LSS: variants seen among roughly 807,000 people sequenced by gnomAD.
The protein encoded by LSS is lanosterol synthase, also known as 2,3-epoxysqualene-lanosterol cyclase.
Under a neutral mutation model 110.3 loss-of-function variants are expected in LSS, and 90 were observed. That is an observed-to-expected ratio of 0.82 (90% confidence interval 0.69 to 0.97). The LOEUF (loss-of-function observed/expected upper bound fraction) is 0.97, where lower values mean the gene tolerates loss of function less well. LSS is among the 50% of genes least tolerant of loss of function. The pLI, the probability that LSS is intolerant of heterozygous loss-of-function variation, is 0.00. For synonymous variants in LSS, 433 were observed against 400.0 expected (o/e 1.08, Z -0.98); for missense variants, 927 against 990.0 (o/e 0.94, Z 0.85).
Position 46,207,585 on chromosome 21 carries a change from G to A in LSS, c.1318-8C>T, listed in dbSNP as rs1298875935. 3 of 1,600,540 alleles carry A rather than the reference G, an allele frequency of 1.9e-6. No individual in the cohort carries two copies. Among genetic ancestry groups the A allele is most frequent in the Admixed American group, 1.7e-5 (1 of 57,894 alleles). On this transcript the variant is annotated splice_polypyrimidine_tract_variant and splice_region_variant and intron_variant, in intron 14 of 21. Transcript: ENST00000397728. ...ACTGAAGGAGAAGCCACCCTGCAGA[G>A]CACAAGCCATGACTCCAGGCTGGGG...
rs757917814 is a variant in LSS, at chr21:46,228,421, G to T, written c.180+13C>A. ...GGTCCCGAGCTCGCTGACGCTCCGC[G>T]GAAGCAACTTACGGTGTCCAGCCCC... On this transcript the variant is annotated intron_variant, in intron 2 of 21. Coordinates refer to ENST00000397728, the MANE Select transcript of LSS (RefSeq NM_002340.6). The T allele has an allele frequency of 5.0e-6, 8 of 1,599,820 alleles. No individual in the cohort carries two copies. The highest frequency in any genetic ancestry group is 1.6e-4 in the Middle Eastern group (1 of 6,068).
At chr21:46,224,399 G>C (rs1366240548) in intron 3 of LSS, among the ~76,000 whole-genome samples, 6 of 152,026 alleles carry the variant, frequency 3.9e-5, no homozygotes, top group Admixed American at 6.5e-5. Context: ...GGGCCCAGCT[G>C]TCTTTTATCT....
At chr21:46,226,543 C>A (rs193240529) in intron 3 of LSS, among the ~76,000 whole-genome samples, 2 of 152,324 alleles carry the variant, frequency 1.3e-5, no homozygotes, top group East Asian at 3.9e-4. Context: ...GATGGGGATC[C>A]CAGTGCTCCT....
intron 3 of LSS, chr21:46,224,754 G>A (rs2080316830): frequency 6.6e-6 from 1 of 152,154 alleles, no homozygotes; most frequent in South Asian, 2.1e-4. Flanking sequence ...CACAGTCAAT[G>A]GGAGCTGTCT....
chr21:46,205,484 A>T (rs2080034624), intron 17 of LSS, among the ~76,000 whole-genome samples: 1 of 152,222 alleles, frequency 6.6e-6, no homozygotes, highest in African/African-American at 2.4e-5. Context: ...GTTTGCTTCA[A>T]GAAGACCAAC....
Position 46,228,567 on chromosome 21 carries a change from G to A in LSS, c.47C>T (p.Thr16Ile). 6.3e-7 allele frequency: 1 copy of A among 1,594,432 alleles called. No individual in the cohort carries two copies. Among genetic ancestry groups the A allele is most frequent in the Non-Finnish European group, 8.5e-7 (1 of 1,177,008 alleles). ...GCGGCCGAGGTCGGTGGCGGGCTCG[G>A]TCTTGTAGGGGCCCCCTCGGCGCCG... is the stretch of plus-strand genomic sequence containing the variant. ...CLRRRGGPYK[T>I]EPATDLGRWR... Residue 16 changes from threonine to isoleucine, a missense_variant, in exon 2 of 22, where the codon ACC (threonine) becomes ATC (isoleucine). Transcript: ENST00000397728.
chr21:46,207,305 G>A (rs1031787846), intron 15 of LSS, 123 bp downstream of exon 15: 12 of 1,235,054 alleles, frequency 9.7e-6, no homozygotes, highest in Non-Finnish European at 1.1e-5. Context: ...CACCATCCAA[G>A]GACAAGCTCC....
At chr21:46,228,622 G>A (rs747517557) in intron 1 of LSS, 23 bp from the exon 2 acceptor site, 1 of 1,592,114 alleles carries the variant, frequency 6.3e-7, no homozygotes, top group Non-Finnish European at 8.5e-7. Context: ...GGCCATCAGC[G>A]ACCCAGGCCC....
intron 17 of LSS, among the ~76,000 whole-genome samples, chr21:46,200,849 G>T (rs2079969054): frequency 6.6e-6 from 1 of 152,236 alleles, no homozygotes; most frequent in African/African-American, 2.4e-5. Flanking sequence ...CTGCAGATTA[G>T]TATTTCATCA....
intron 3 of LSS, among the ~76,000 whole-genome samples, chr21:46,224,062 G>A (rs1349625419): frequency 1.3e-5 from 2 of 152,182 alleles, no homozygotes; most frequent in Admixed American, 6.5e-5. Context: ...CAGTGGTCAC[G>A]CTCCTAGTCC....
intron 3 of LSS, among the ~76,000 whole-genome samples, chr21:46,223,260 G>A (rs2080299160): frequency 6.6e-6 from 1 of 152,122 alleles, no homozygotes; most frequent in East Asian, 1.9e-4. Flanking sequence ...CAGGGGGGAG[G>A]CAGAGACAAT....
rs566420251 is a variant in LSS, at chr21:46,196,165, C to T, written c.1736+37G>A. The stretch of plus-strand genomic sequence containing the variant: ...TGTGAGAGCAGAAACCTGTGGATCC[C>T]GTGCATCTCTGCACTCACGAGTGGA... On this transcript the variant is annotated intron_variant, in intron 18 of 21. Transcript: ENST00000397728. 9.4e-6 allele frequency: 15 copies of T among 1,598,522 alleles called. No homozygotes were observed. The South Asian group carries it at 1.2e-4, about 13-fold the overall frequency.
In LSS at chr21:46,191,161, C is replaced by G. The variant is rs2079808740; in HGVS notation, c.2142G>C (p.Trp714Cys). ...ACAGCTGGGAGAAGCGGCCGAGGGC[C>G]CAGATGGGGAAGATGTTCCTGTAGC... ...YTSYRNIFPI[W>C]ALGRFSQLYP... The change falls in exon 22 of 22, where the codon TGG (tryptophan) becomes TGC (cysteine). Residue 714 changes from tryptophan (W) to cysteine (C), a missense_variant. Transcript: ENST00000397728. 1.2e-6 allele frequency: 2 copies of G among 1,614,160 alleles called. No individual in the cohort carries two copies. Among genetic ancestry groups the G allele is most frequent in the Non-Finnish European group, 1.7e-6 (2 of 1,180,028 alleles).
At chr21:46,223,319 C>A (rs1261967321) in intron 3 of LSS, among the ~76,000 whole-genome samples, 1 of 152,198 alleles carries the variant, frequency 6.6e-6, no homozygotes, top group African/African-American at 2.4e-5. Context: ...TCCTCTCAGG[C>A]ATGGTGCTCA....
intron 17 of LSS, among the ~76,000 whole-genome samples, chr21:46,202,408 T>TAAATA (rs1227985469): frequency 6.9e-6 from 1 of 145,220 alleles, no homozygotes; most frequent in Non-Finnish European, 1.5e-5. Context: ...AAAAAAAAAA[T>TAAATA]AAATAAAATA....
chr21:46,216,543 T>C lies in LSS; in HGVS notation c.648-19A>G. On this transcript the variant is annotated intron_variant, in intron 6 of 21. Transcript: ENST00000397728. The surrounding 1 kb of genome is among the most constrained non-coding windows in gnomAD (Gnocchi z 4.2). ...AAACAGCCTGGGGCAACAGCAGGAGTCAGTGGGAGACCCCAAGACTCAAGC... is the reference window on the plus strand; with the variant it reads ...AAACAGCCTGGGGCAACAGCAGGAGCCAGTGGGAGACCCCAAGACTCAAGC... 1.3e-6 allele frequency: 2 copies of C among 1,577,076 alleles called. No homozygotes were observed. The highest frequency in any genetic ancestry group is 1.7e-6 in the Non-Finnish European group (2 of 1,158,686).
intron 5 of LSS, 102 bp from the exon 6 acceptor site, chr21:46,219,674 C>T (rs2080250226): frequency 1.5e-6 from 1 of 654,632 alleles, no homozygotes; most frequent in South Asian, 2.3e-5. Context: ...ACGTGTGCCC[C>T]TCTCCATGAG....
intron 20 of LSS, chr21:46,192,371 C>T (rs1207821983): frequency 4.8e-6 from 2 of 413,068 alleles, no homozygotes; most frequent in Non-Finnish European, 9.6e-6. Flanking sequence ...ACTGTGGGTC[C>T]CTGACTGTCC....
intron 9 of LSS, among the ~76,000 whole-genome samples, chr21:46,214,708 C>G (rs1398497322): frequency 6.6e-6 from 1 of 152,200 alleles, no homozygotes; most frequent in East Asian, 1.9e-4. Flanking sequence ...CCCCTGCAGG[C>G]CCCACAGAGG....
Sources: gnomAD v4.1 joint callset for allele counts (sites outside exome capture counted in the v4.1 genomes callset) on GRCh38, gnomAD v4.1.1 for gene constraint, Gnocchi (gnomAD v3.1) non-coding constraint, MANE v1.5 for transcripts, NCBI Gene and HGNC (gene_info 2026-07-23, HGNC 2026-07-21) for gene names.